Variants in CDH1 observed in about 807,000 individuals in gnomAD.
CDH1 encodes cadherin-1.
CDH1 carries 35 observed loss-of-function variants against 84.5 expected under a neutral mutation model. The observed-to-expected ratio is 0.41, with a 90% confidence interval of 0.32 to 0.55. The LOEUF is 0.55. CDH1 is among the 20% of genes least tolerant of loss of function. The probability of loss-of-function intolerance (pLI) is 0.19; values close to 1 mark genes in which losing one functional copy is unlikely to be tolerated. For synonymous variants in CDH1, 417 were observed against 439.0 expected (o/e 0.95, Z 0.63); for missense variants, 994 against 1,126.6 (o/e 0.88, Z 1.68).
intron 2 of CDH1, among the ~76,000 whole-genome samples, chr16:68,788,160 TCTC>T (rs1373561508): frequency 6.6e-6 from 1 of 152,136 alleles, no homozygotes; most frequent in Non-Finnish European, 1.5e-5. Context: ...TGGCTTCTCT[TCTC>T]TGCACTTTTT....
At chr16:68,750,866 G>A (rs1333665612) in intron 2 of CDH1, among the ~76,000 whole-genome samples, 1 of 151,986 alleles carries the variant, frequency 6.6e-6, no homozygotes, top group Admixed American at 6.6e-5. Context: ...ACCATGCCCG[G>A]CTAATTTTTA....
chr16:68,792,339 C>T (rs1025859473), intron 2 of CDH1, among the ~76,000 whole-genome samples: 1 of 151,904 alleles, frequency 6.6e-6, no homozygotes, highest in Non-Finnish European at 1.5e-5. Context: ...AAGCAATTCT[C>T]CTGCCTCAGC....
In CDH1 at chr16:68,738,964, T is replaced by TTTTTTTTTTTTAAA. The variant is rs555202424; in HGVS notation, c.163+553_163+554insTTTTTTTTTTTAAA. Among the ~76,000 whole-genome samples, 8 of 65,410 alleles carry TTTTTTTTTTTTAAA rather than the reference T, an allele frequency of 1.2e-4. 1 individual carries two copies. Among genetic ancestry groups the TTTTTTTTTTTTAAA allele is most frequent in the African/African-American group, 3.9e-4 (7 of 17,722 alleles). 42.9% of individuals were successfully genotyped at this position (65,410 alleles called of 152,430 possible). A position where few individuals can be genotyped will look rare whatever the true frequency, so the allele number is the denominator to read the frequency against. ...TTTTTTTTTTTTTTTTTTTTTTTTT[T>TTTTTTTTTTTTAAA]AAAGACAGGGTCTTGCTCTGTTGCC... On this transcript the variant is annotated intron_variant, in intron 2 of 15. Transcript: ENST00000261769.
At chr16:68,829,953 CTTTTTCTTTTTTTTTT>C (rs1273817882) in intron 15 of CDH1, among the ~76,000 whole-genome samples, 156 bp downstream of exon 15, 3 of 102,218 alleles carry the variant, frequency 2.9e-5, no homozygotes, top group African/African-American at 5.1e-5. Flanking sequence ...CTTTTTTTTT[CTTTTTCTTTTTTTTTT>C]TTTTTGAGAC....
At chr16:68,810,797 C>T (rs1960799862) in intron 6 of CDH1, among the ~76,000 whole-genome samples, 2 of 151,216 alleles carry the variant, frequency 1.3e-5, no homozygotes, top group Non-Finnish European at 2.9e-5. Context: ...ACCCGGGAGG[C>T]GGGGGTTGCA....
At position 68,743,331 on chromosome 16, in the gene CDH1, C is replaced by A. The variant is rs562648086; in HGVS notation, c.163+4920C>A. Among the ~76,000 whole-genome samples the A allele has an allele frequency of 4.0e-3, 100 of 25,158 alleles. 1 individual carries two copies. The highest frequency in any genetic ancestry group is 9.8e-3 in the Admixed American group (26 of 2,666). 16.5% of individuals were successfully genotyped at this position (25,158 alleles called of 152,430 possible). A position where few individuals can be genotyped will look rare whatever the true frequency, so the allele number is the denominator to read the frequency against. Reference sequence around the variant, plus strand: ...TCTTTCTTTCTTTCTTTCTTTCTTTCTTTCTTTCTTTCTTTCTTTCTTTCT... The same window carrying A: ...TCTTTCTTTCTTTCTTTCTTTCTTTATTTCTTTCTTTCTTTCTTTCTTTCT... On this transcript the variant is annotated intron_variant, in intron 2 of 15. Coordinates refer to ENST00000261769, the MANE Select transcript of CDH1 (RefSeq NM_004360.5).
Position 68,834,122 on chromosome 16 carries a change from A to C in CDH1, c.*623A>C, listed in dbSNP as rs142125691. 2 of 438,526 alleles carry C rather than the reference A, an allele frequency of 4.6e-6. No homozygotes were observed. Among genetic ancestry groups the C allele is most frequent in the African/African-American group, 2.0e-5 (1 of 49,936 alleles). 27.2% of individuals were successfully genotyped at this position (438,526 alleles called of 1,614,324 possible). A position where few individuals can be genotyped will look rare whatever the true frequency, so the allele number is the denominator to read the frequency against. Reference sequence around the variant, plus strand: ...CAGGCATGCACCACTACGCATGACTAATTTTTTAAATATTTGAGACGGGGT... The same window carrying C: ...CAGGCATGCACCACTACGCATGACTCATTTTTTAAATATTTGAGACGGGGT... On this transcript the variant is annotated 3_prime_UTR_variant, in exon 16 of 16. Transcript: ENST00000261769.
intron 2 of CDH1, among the ~76,000 whole-genome samples, chr16:68,786,132 A>T (rs990944777): frequency 4.0e-5 from 6 of 151,832 alleles, no homozygotes; most frequent in Admixed American, 1.3e-4. Context: ...ACTCTTCTTC[A>T]TGCTCTTTTC....
intron 8 of CDH1, among the ~76,000 whole-genome samples, chr16:68,812,890 A>G (rs1459693144): frequency 6.6e-6 from 1 of 152,138 alleles, no homozygotes; most frequent in Non-Finnish European, 1.5e-5. Flanking sequence ...AAATACAAAA[A>G]TTAGCTGGGC....
rs58676133 is a variant in CDH1 at position 68,787,825 on chromosome 16, ATT to A, written c.164-13827_164-13826del. 4.8e-4 allele frequency among the ~76,000 whole-genome samples: 49 copies of A among 102,306 alleles called. 1 individual carries two copies. Among genetic ancestry groups the A allele is most frequent in the Admixed American group, 5.5e-4 (5 of 9,068 alleles). The allele number at this position is 102,306 out of a possible 152,430, so 67.1% of individuals were successfully genotyped here. A position where few individuals can be genotyped will look rare whatever the true frequency, so the allele number is the denominator to read the frequency against. On this transcript the variant is annotated intron_variant, in intron 2 of 15. Coordinates refer to ENST00000261769, the MANE Select transcript of CDH1 (RefSeq NM_004360.5). Reference sequence around the variant, plus strand: ...AGACACCCACCACCACGCCCGGCTAATTTTTTTTTTTTTTTTTTTGAGACAGT... The same window carrying A: ...AGACACCCACCACCACGCCCGGCTAATTTTTTTTTTTTTTTTTGAGACAGT...
intron 2 of CDH1, among the ~76,000 whole-genome samples, chr16:68,759,143 T>C (rs1963093192): frequency 6.6e-6 from 1 of 152,090 alleles, no homozygotes; most frequent in African/African-American, 2.4e-5. Flanking sequence ...TCTCACTGTG[T>C]TGCCCAGGTT....
intron 3 of CDH1, among the ~76,000 whole-genome samples, chr16:68,804,304 G>A (rs541598845): frequency 5.9e-5 from 9 of 151,562 alleles, no homozygotes; most frequent in Non-Finnish European, 1.0e-4. Context: ...TAGTAGAGAC[G>A]GGGTTTCACC....
chr16:68,747,754 C>CTCTA (rs1388852043), intron 2 of CDH1, among the ~76,000 whole-genome samples: 1 of 151,932 alleles, frequency 6.6e-6, no homozygotes, highest in Non-Finnish European at 1.5e-5. Context: ...TGTATGTTCT[C>CTCTA]TCTCTCTCTC....
chr16:68,805,911 T>C (rs1182989560), intron 3 of CDH1, among the ~76,000 whole-genome samples: 1 of 152,020 alleles, frequency 6.6e-6, no homozygotes, highest in Non-Finnish European at 1.5e-5. Context: ...AAGGTGGCTG[T>C]TTTAAGGCTT....
chr16:68,827,366 CT>C (rs66996303), intron 13 of CDH1, among the ~76,000 whole-genome samples: 42,726 of 147,802 alleles, frequency 0.29, 7,453 homozygotes, highest in African/African-American at 0.51. Context: ...CACATGGAAT[CT>C]TTTTTTTTTT....
chr16:68,833,197 T>C, intron 15 of CDH1, 93 bp from the exon 16 acceptor site: 1 of 1,078,348 alleles, frequency 9.3e-7, no homozygotes, highest in East Asian at 2.4e-5. Context: ...TCTGGGTGCA[T>C]TGTCGTACCT....
At chr16:68,823,102 C>G (rs1961209595) in intron 12 of CDH1, 1 of 373,938 alleles carries the variant, frequency 2.7e-6, no homozygotes, top group Non-Finnish European at 4.9e-6. Flanking sequence ...CACACGGGAG[C>G]CTACCGAACC....
intron 2 of CDH1, among the ~76,000 whole-genome samples, chr16:68,761,530 T>C (rs557687458): frequency 6.6e-6 from 1 of 152,258 alleles, no homozygotes; most frequent in East Asian, 1.9e-4. Flanking sequence ...ATGTCCCCCA[T>C]CATGGAATTT....
intron 2 of CDH1, among the ~76,000 whole-genome samples, chr16:68,771,763 A>T (rs1049976053): frequency 3.4e-4 from 52 of 151,740 alleles, no homozygotes; most frequent in Non-Finnish European, 6.2e-4. Flanking sequence ...AAAAAAAAAA[A>T]AATTTTTTTT....
Sources: allele counts gnomAD v4.1 joint callset (sites outside exome capture counted in the v4.1 genomes callset), GRCh38; gene constraint gnomAD v4.1.1; transcripts MANE v1.5; gene names NCBI Gene and HGNC (gene_info 2026-07-23, HGNC 2026-07-21).